NHSL2: variants seen among roughly 807,000 people sequenced by gnomAD.
NHSL2 encodes the protein NHS-like protein 2.
A neutral mutation model predicts 53.4 loss-of-function variants in NHSL2; 27 were observed. The ratio of observed to expected loss-of-function variants is 0.51; its 90% CI spans 0.37 to 0.70. The LOEUF is 0.70. Among genes scored for constraint, NHSL2 ranks in the 30% least tolerant of loss-of-function variants. The pLI, the probability that NHSL2 is intolerant of heterozygous loss-of-function variation, is 0.00. For missense variants in NHSL2, 892 were observed against 980.1 expected (o/e 0.91, Z 1.20); for synonymous variants, 408 against 404.1 (o/e 1.01, Z -0.12).
At chrX:72,142,825 A>G (rs1184946701) in intron 7 of NHSL2, among the ~76,000 whole-genome samples, 1 of 112,116 alleles carries the variant, frequency 8.9e-6, no homozygotes. Flanking sequence ...GAAAAGAGGA[A>G]CCAGATGGGG....
intron 1 of NHSL2, among the ~76,000 whole-genome samples, chrX:71,912,427 G>T (rs1207695335): frequency 8.9e-6 from 1 of 112,443 alleles, no homozygotes; most frequent in African/African-American, 3.2e-5. Flanking sequence ...GTTTCCAATG[G>T]GGGCAGAAGA....
intron 1 of NHSL2, among the ~76,000 whole-genome samples, chrX:72,011,343 A>G (rs2042114517): frequency 8.9e-6 from 1 of 112,419 alleles, no homozygotes; most frequent in Non-Finnish European, 1.9e-5. Flanking sequence ...GCTGAGTCAT[A>G]TGGTAATTGC....
At chrX:72,031,138 A>G (rs2042212948) in intron 1 of NHSL2, among the ~76,000 whole-genome samples, 1 of 111,957 alleles carries the variant, frequency 8.9e-6, no homozygotes, top group African/African-American at 3.3e-5. Context: ...TGCAATAAAG[A>G]GTTCTAGGGT....
chrX:71,950,053 T>C (rs1449072455), intron 1 of NHSL2, among the ~76,000 whole-genome samples: 1 of 113,542 alleles, frequency 8.8e-6, no homozygotes, highest in Non-Finnish European at 1.9e-5. Flanking sequence ...CACCTGAGCA[T>C]GCGCTTTCGC....
intron 1 of NHSL2, among the ~76,000 whole-genome samples, chrX:71,931,240 G>A: frequency 8.9e-6 from 1 of 112,239 alleles, no homozygotes; most frequent in Non-Finnish European, 1.9e-5. Context: ...TGGAATTATA[G>A]TTCTTTATGT....
chrX:71,918,393 G>A (rs868761740), intron 1 of NHSL2, among the ~76,000 whole-genome samples: 8 of 109,202 alleles, frequency 7.3e-5, no homozygotes, highest in Admixed American at 3.9e-4. Flanking sequence ...GACTCAAAGA[G>A]GAGATGAGTT....
chrX:71,988,335 A>G (rs935487994), intron 1 of NHSL2, among the ~76,000 whole-genome samples: 2 of 111,709 alleles, frequency 1.8e-5, no homozygotes, highest in African/African-American at 6.5e-5. Context: ...ATGATCCTGT[A>G]TATACCTAAT....
At chrX:71,975,581 C>A (rs1012341598) in intron 1 of NHSL2, among the ~76,000 whole-genome samples, 1 of 111,470 alleles carries the variant, frequency 9.0e-6, no homozygotes, top group South Asian at 3.8e-4. Context: ...CAGGCCCATT[C>A]CCTGCCCCTT....
chrX:71,924,757 G>A (rs2041676244), intron 1 of NHSL2, among the ~76,000 whole-genome samples: 1 of 112,480 alleles, frequency 8.9e-6, no homozygotes, highest in African/African-American at 3.2e-5. Flanking sequence ...AGAGTAGAAA[G>A]AGCCCTGATT....
intron 1 of NHSL2, among the ~76,000 whole-genome samples, chrX:72,064,399 G>A (rs1288405853): frequency 8.9e-6 from 1 of 112,181 alleles, no homozygotes; most frequent in African/African-American, 3.2e-5. Flanking sequence ...CCTAACTTGG[G>A]TTCAAGTCCC....
intron 1 of NHSL2, among the ~76,000 whole-genome samples, chrX:71,948,167 G>A (rs777361018): frequency 1.8e-5 from 2 of 112,516 alleles, no homozygotes; most frequent in South Asian, 7.3e-4. Flanking sequence ...AGAAGAACAT[G>A]GAGTCTGTGC....
At chrX:72,115,683 A>G (rs899821259) in intron 1 of NHSL2, among the ~76,000 whole-genome samples, 2 of 110,578 alleles carry the variant, frequency 1.8e-5, no homozygotes, top group African/African-American at 6.6e-5. Context: ...GTGATATGCA[A>G]CTGCTCAGTG....
intron 1 of NHSL2, among the ~76,000 whole-genome samples, chrX:72,068,745 G>T (rs2042447343): frequency 9.0e-6 from 1 of 111,706 alleles, no homozygotes; most frequent in African/African-American, 3.3e-5. Flanking sequence ...CCTCTCATTG[G>T]CTGCCAAGGG....
intron 1 of NHSL2, chrX:72,130,469 G>A: frequency 8.3e-7 from 1 of 1,210,618 alleles, no homozygotes; most frequent in South Asian, 1.8e-5. Context: ...TCCTTGGAGT[G>A]AAGCCTGTGC....
intron 1 of NHSL2, among the ~76,000 whole-genome samples, chrX:72,055,456 A>G (rs1326530364): frequency 1.8e-5 from 2 of 112,551 alleles, no homozygotes; most frequent in Non-Finnish European, 3.8e-5. Context: ...TGTCTTGCCT[A>G]TGCCTCTTGA....
chrX:72,060,675 A>G (rs2042394711), intron 1 of NHSL2, among the ~76,000 whole-genome samples: 1 of 112,187 alleles, frequency 8.9e-6, no homozygotes. Context: ...CCTCATCGAC[A>G]AACATAAAAC....
chrX:71,911,452 C>T (rs1397379850), intron 1 of NHSL2, 85 bp downstream of exon 1: 10 of 796,536 alleles, frequency 1.3e-5, no homozygotes, highest in Non-Finnish European at 1.6e-5. Context: ...TGTGCCCACC[C>T]TCTCCCCGCC....
chrX:72,126,858 C>T (rs1316943809), intron 1 of NHSL2, among the ~76,000 whole-genome samples: 1 of 112,477 alleles, frequency 8.9e-6, no homozygotes, highest in African/African-American at 3.2e-5. Flanking sequence ...AGGGCTGGGC[C>T]ACCCATAGTC....
chrX:71,987,489 A>G (rs2042008411), intron 1 of NHSL2, among the ~76,000 whole-genome samples: 1 of 112,178 alleles, frequency 8.9e-6, no homozygotes, highest in South Asian at 3.7e-4. Flanking sequence ...AAAGTCAAAG[A>G]AGCAGTTTAT....
Sources: allele counts gnomAD v4.1 joint callset (sites outside exome capture counted in the v4.1 genomes callset), GRCh38; gene constraint gnomAD v4.1.1; transcripts MANE v1.5; gene names NCBI Gene and HGNC (gene_info 2026-07-23, HGNC 2026-07-21).